TLK2: variants seen among roughly 807,000 people sequenced by gnomAD.
The protein encoded by TLK2 is tousled like kinase 2.
In TLK2, 6 loss-of-function variants were observed where a neutral mutation model predicts 117.3. The ratio of observed to expected loss-of-function variants is 0.05; its 90% CI spans 0.03 to 0.10. TLK2 has a LOEUF of 0.10. Ranked by LOEUF, TLK2 falls within the 10% of genes least tolerant of loss-of-function variation. TLK2 has a pLI of 1.00. For missense variants in TLK2, 299 were observed against 901.2 expected, an observed-to-expected ratio of 0.33 and a Z score of 8.56; for synonymous variants, 257 against 316.7, an observed-to-expected ratio of 0.81 and a Z score of 2.00.
At chr17:62,572,749 TAC>T (rs1054213501) in intron 11 of TLK2, 2 of 152,998 alleles carry the variant, frequency 1.3e-5, no homozygotes, top group African/African-American at 4.8e-5. Flanking sequence ...AAATCTTGTT[TAC>T]TTTCTTTAGC....
chr17:62,608,017 T>C (rs529465006), intron 20 of TLK2, 24 bp from the exon 21 acceptor site: 293 of 1,589,650 alleles, frequency 1.8e-4, no homozygotes, highest in South Asian at 1.8e-4. Flanking sequence ...AGGCCTACAT[T>C]ATTTGTTTGT....
intron 6 of TLK2, among the ~76,000 whole-genome samples, chr17:62,534,162 A>T (rs925449641): frequency 2.0e-5 from 3 of 152,126 alleles, no homozygotes; most frequent in South Asian, 2.1e-4. Flanking sequence ...GATTATGATT[A>T]TTTTTTTAAG....
chr17:62,521,577 A>G (rs2076053185), intron 3 of TLK2, among the ~76,000 whole-genome samples: 1 of 152,022 alleles, frequency 6.6e-6, no homozygotes, highest in African/African-American at 2.4e-5. Context: ...AAATATTTTT[A>G]GAGGCGGGGC....
chr17:62,516,710 C>T lies in TLK2; in HGVS notation c.82-4063C>T, dbSNP rs1409948513. 5 of 1,602,884 alleles carry T rather than the reference C, an allele frequency of 3.1e-6. No homozygotes were observed. In the East Asian group the frequency reaches 8.9e-5, roughly 29 times the overall value. On this transcript the variant is annotated intron_variant, in intron 2 of 21. Transcript: ENST00000346027. The stretch of plus-strand genomic sequence containing the variant: ...TGGACATCCTTCTTGGCCACCATGA[C>T]TCCCTCCTTAAAAAGGAGTTCATAA...
intron 19 of TLK2, among the ~76,000 whole-genome samples, chr17:62,604,162 G>T (rs565687366): frequency 6.6e-6 from 1 of 151,774 alleles, no homozygotes; most frequent in East Asian, 1.9e-4. Context: ...CCGCCACCAC[G>T]CCCAGCTAAT....
At chr17:62,546,344 G>GTTT (rs61100480) in intron 7 of TLK2, among the ~76,000 whole-genome samples, 374 of 23,350 alleles carry the variant, frequency 0.016, 81 homozygotes, top group Middle Eastern at 0.13. Context: ...TTTGTTGATT[G>GTTT]TTTTTTTTTT....
chr17:62,572,833 G>C (rs1264680635), intron 11 of TLK2: 1 of 154,266 alleles, frequency 6.5e-6, no homozygotes, highest in Non-Finnish European at 1.4e-5. Context: ...AATAGAACTT[G>C]GAACTTTTTA....
At chr17:62,485,125 A>G (rs2072188406) in intron 2 of TLK2, among the ~76,000 whole-genome samples, 1 of 152,238 alleles carries the variant, frequency 6.6e-6, no homozygotes, top group Non-Finnish European at 1.5e-5. Context: ...GCAGCTCCAA[A>G]TAAGAGAGCA....
chr17:62,513,503 T>C (rs2075325157), intron 2 of TLK2, among the ~76,000 whole-genome samples: 1 of 151,954 alleles, frequency 6.6e-6, no homozygotes, highest in South Asian at 2.1e-4. Flanking sequence ...TTTTCATTTT[T>C]TTGTACAGAT....
At chr17:62,568,130 A>G (rs1268385271) in intron 11 of TLK2, among the ~76,000 whole-genome samples, 2 of 152,172 alleles carry the variant, frequency 1.3e-5, no homozygotes. Flanking sequence ...GAAGTAAACA[A>G]AATTAAAGTA....
At chr17:62,503,272 A>G (rs1289635718) in intron 2 of TLK2, among the ~76,000 whole-genome samples, 1 of 151,866 alleles carries the variant, frequency 6.6e-6, no homozygotes, top group African/African-American at 2.4e-5. Context: ...GTTAGCCAGG[A>G]TAGTCTTGAT....
chr17:62,584,107 G>GTTT lies in TLK2; in HGVS notation c.1369-2005_1369-2003dup, dbSNP rs572000997. ...GTATTTAATGTTTTTTTCTTTTGTG[G>GTTT]TTTTTTTTTTTTTTTTTTTTTTTTT... On this transcript the variant is annotated intron_variant, in intron 15 of 21. Transcript: ENST00000346027. Among the ~76,000 whole-genome samples, 257 of 78,442 alleles carry GTTT rather than the reference G, an allele frequency of 3.3e-3. 1 individual carries two copies. The highest frequency in any genetic ancestry group is 4.8e-3 in the East Asian group (10 of 2,090). The allele number at this position is 78,442 out of a possible 152,430, so 51.5% of individuals were successfully genotyped here.
In TLK2 at chr17:62,527,586, T is replaced by A. The variant is rs2076453228; in HGVS notation, c.363+3255T>A. On this transcript the variant is annotated intron_variant, in intron 6 of 21. Coordinates refer to ENST00000346027, the MANE Select transcript of TLK2 (RefSeq NM_006852.6). ...TTCAGTGTATACTCTTGTGTCTAGC[T>A]CCTTTTGTTGCACGTTACTTTTGTG... 2.0e-5 allele frequency among the ~76,000 whole-genome samples: 3 copies of A among 152,292 alleles called. No individual in the cohort carries two copies. In the South Asian group the frequency reaches 6.2e-4, roughly 32 times the overall value.
intron 15 of TLK2, among the ~76,000 whole-genome samples, chr17:62,585,197 A>G (rs1385861725): frequency 6.6e-6 from 1 of 152,228 alleles, no homozygotes; most frequent in African/African-American, 2.4e-5. Context: ...GCCTCTGGAC[A>G]GTGCTGGAGA....
chr17:62,609,034 G>A (rs1302067707), intron 21 of TLK2, among the ~76,000 whole-genome samples: 1 of 152,214 alleles, frequency 6.6e-6, no homozygotes, highest in Non-Finnish European at 1.5e-5. Flanking sequence ...CCCATTGGGT[G>A]CTGTGGTCAT....
chr17:62,587,183 G>C (rs957247741), intron 16 of TLK2, among the ~76,000 whole-genome samples: 3 of 152,134 alleles, frequency 2.0e-5, no homozygotes, highest in Non-Finnish European at 4.4e-5. Flanking sequence ...ACTGATGTCA[G>C]GTTTTGCCTA....
intron 2 of TLK2, among the ~76,000 whole-genome samples, chr17:62,507,956 T>C (rs987570203): frequency 3.9e-5 from 6 of 152,194 alleles, no homozygotes; most frequent in Admixed American, 2.6e-4. Context: ...TTGACTCTTG[T>C]TCATCTTCTA....
At chr17:62,606,706 A>G (rs1229453277) in intron 20 of TLK2, among the ~76,000 whole-genome samples, 1 of 152,194 alleles carries the variant, frequency 6.6e-6, no homozygotes, top group African/African-American at 2.4e-5. Context: ...TGGTGTCAGG[A>G]TGTATTCATT....
intron 16 of TLK2, among the ~76,000 whole-genome samples, chr17:62,593,648 A>G (rs1404117983): frequency 1.3e-5 from 2 of 152,090 alleles, no homozygotes; most frequent in Non-Finnish European, 1.5e-5. Context: ...TCCCACTGGA[A>G]GCTCTTCAGG....
Sources: allele counts gnomAD v4.1 joint callset (sites outside exome capture counted in the v4.1 genomes callset), GRCh38; gene constraint gnomAD v4.1.1; transcripts MANE v1.5; gene names NCBI Gene and HGNC (gene_info 2026-07-23, HGNC 2026-07-21).